The following DOCK1 variants were observed in gnomAD, a reference collection of about 807,000 sequenced individuals.
The protein encoded by DOCK1 is dedicator of cytokinesis 1.
A neutral mutation model predicts 262.7 loss-of-function variants in DOCK1; 138 were observed. The ratio of observed to expected loss-of-function variants is 0.53; its 90% CI spans 0.46 to 0.61. The LOEUF (loss-of-function observed/expected upper bound fraction) is 0.61. Among genes scored for constraint, DOCK1 ranks in the 20% least tolerant of loss-of-function variants. DOCK1 has a pLI of 0.00. For missense variants in DOCK1, 1,908 were observed against 2,370.7 expected, an observed-to-expected ratio of 0.80 and a Z score of 4.05; for synonymous variants, 866 against 867.4, an observed-to-expected ratio of 1.00 and a Z score of 0.03.
chr10:127,019,055 C>A (rs749478070), intron 13 of DOCK1: 1 of 610,902 alleles, frequency 1.6e-6, no homozygotes, highest in South Asian at 2.7e-5. Flanking sequence ...GATCAGCTCT[C>A]CCCAGCTGCA....
At chr10:127,195,660 C>T (rs1057046705) in intron 27 of DOCK1, among the ~76,000 whole-genome samples, 5 of 152,120 alleles carry the variant, frequency 3.3e-5, no homozygotes, top group Admixed American at 6.5e-5. Context: ...GGCTGTCGGG[C>T]GCTCACGAAG....
intron 2 of DOCK1, among the ~76,000 whole-genome samples, chr10:126,975,342 C>A (rs1379756189): frequency 1.3e-5 from 2 of 152,152 alleles, no homozygotes; most frequent in East Asian, 1.9e-4. Context: ...ACACAGATGT[C>A]TTTGGGCTGC....
At chr10:126,951,166 A>G (rs2036187514) in intron 1 of DOCK1, among the ~76,000 whole-genome samples, 1 of 150,222 alleles carries the variant, frequency 6.7e-6, no homozygotes, top group Non-Finnish European at 1.5e-5. Context: ...TATTACTGGT[A>G]GTAGTGTTGG....
chr10:127,123,279 CT>C (rs2049729827), intron 25 of DOCK1, among the ~76,000 whole-genome samples: 4 of 47,580 alleles, frequency 8.4e-5, no homozygotes. Flanking sequence ...GGAAATTCAG[CT>C]TGTTTTCCAG....
chr10:127,020,237 T>A (rs1436991369), intron 13 of DOCK1, among the ~76,000 whole-genome samples: 2 of 152,214 alleles, frequency 1.3e-5, no homozygotes, highest in Non-Finnish European at 2.9e-5. Context: ...GTATACTTAT[T>A]ATTTGTATTT....
intron 18 of DOCK1, among the ~76,000 whole-genome samples, chr10:127,035,780 C>G (rs560657823): frequency 1.4e-4 from 22 of 152,004 alleles, no homozygotes; most frequent in African/African-American, 4.6e-4. Context: ...GAGGCTGAGG[C>G]GTGAGGTTCA....
rs73384666 is a variant in DOCK1, at chr10:127,356,061, T to C, written c.3283+1334T>C. 5.4e-3 allele frequency among the ~76,000 whole-genome samples: 830 copies of C among 152,336 alleles called. 2 individuals are homozygous for C. The highest frequency in any genetic ancestry group is 0.019 in the African/African-American group (795 of 41,582). On this transcript the variant is annotated intron_variant, in intron 32 of 51. Transcript: ENST00000623213. ...GTCAGTCCTGGAGTCAGTGGAGGAC[T>C]CCTCGAGGAAGCTCTGTGCTAGGTC...
At chr10:127,353,848 A>G (rs1216521025) in intron 31 of DOCK1, among the ~76,000 whole-genome samples, 1 of 152,216 alleles carries the variant, frequency 6.6e-6, no homozygotes, top group East Asian at 1.9e-4. Flanking sequence ...TTTACCGGCC[A>G]GGATCTTCGC....
rs570065710 is a variant in DOCK1, at chr10:127,324,036, C to T, written c.3045-14970C>T. 2.6e-5 allele frequency among the ~76,000 whole-genome samples: 4 copies of T among 152,314 alleles called. No individual in the cohort carries two copies. In the East Asian group the frequency reaches 7.7e-4, roughly 29 times the overall value. The stretch of plus-strand genomic sequence containing the variant: ...GGTTCTTGAGGAGGGGGAGCGGTGG[C>T]TCTGCCAGCTCAGCTGTGAGTGGTC... On this transcript the variant is annotated intron_variant, in intron 29 of 51. Transcript: ENST00000623213.
At chr10:127,264,923 C>G (rs1282335811) in intron 29 of DOCK1, among the ~76,000 whole-genome samples, 1 of 152,202 alleles carries the variant, frequency 6.6e-6, no homozygotes, top group Admixed American at 6.5e-5. Flanking sequence ...CCCGCCTTGT[C>G]CTCCCAAAGT....
At position 127,212,783 on chromosome 10, in the gene DOCK1, T is replaced by C. The variant is rs552155682; in HGVS notation, c.2848-35225T>C. On this transcript the variant is annotated intron_variant, in intron 27 of 51. Coordinates refer to ENST00000623213, the MANE Select transcript of DOCK1 (RefSeq NM_001290223.2). Reference sequence around the variant, plus strand: ...AATTACTTGACTTATTTTGTCAACATTTTTTCATGTTCTCCCCACCCCTTG... The same window carrying C: ...AATTACTTGACTTATTTTGTCAACACTTTTTCATGTTCTCCCCACCCCTTG... Among the ~76,000 whole-genome samples, 176 of 151,068 alleles carry C rather than the reference T, an allele frequency of 1.2e-3. 2 individuals are homozygous for C. Among genetic ancestry groups the C allele is most frequent in the Non-Finnish European group, 1.6e-3 (108 of 67,792 alleles).
intron 27 of DOCK1, among the ~76,000 whole-genome samples, chr10:127,202,660 C>T (rs945857540): frequency 2.0e-5 from 3 of 152,160 alleles, no homozygotes; most frequent in African/African-American, 7.2e-5. Flanking sequence ...TATGAGACTT[C>T]GATGAGAATG....
In DOCK1 at chr10:126,970,796, A is replaced by C. The variant is rs2038045730; in HGVS notation, c.130+11A>C. 6.2e-7 allele frequency: 1 copy of C among 1,609,114 alleles called. No individual in the cohort carries two copies. The highest frequency in any genetic ancestry group is 1.7e-5 in the Admixed American group (1 of 59,794). On this transcript the variant is annotated intron_variant, in intron 2 of 51. Coordinates refer to ENST00000623213, the MANE Select transcript of DOCK1 (RefSeq NM_001290223.2). Reference sequence around the variant, plus strand: ...TAGAAACATATGAAGGTGCGTATGCATCTTGGTATCTTTTCTCTTACATTT... The same window carrying C: ...TAGAAACATATGAAGGTGCGTATGCCTCTTGGTATCTTTTCTCTTACATTT...
At chr10:127,085,641 T>C (rs1026854017) in intron 23 of DOCK1, among the ~76,000 whole-genome samples, 33 of 152,120 alleles carry the variant, frequency 2.2e-4, no homozygotes, top group African/African-American at 7.7e-4. Flanking sequence ...GCCTGTAGTC[T>C]CAGCTACTGG....
At chr10:127,399,293 G>A (rs769167387) in intron 38 of DOCK1, among the ~76,000 whole-genome samples, 6 of 152,150 alleles carry the variant, frequency 3.9e-5, no homozygotes, top group Non-Finnish European at 7.4e-5. Flanking sequence ...CAATCGCAGA[G>A]GTTAAAGTGA....
intron 39 of DOCK1, 87 bp downstream of exon 39, chr10:127,403,231 G>A: frequency 6.5e-6 from 9 of 1,378,030 alleles, no homozygotes; most frequent in Non-Finnish European, 9.0e-6. Context: ...CAATGTTAGG[G>A]TTCACCCCAG....
chr10:126,918,899 C>CGGACAGGTGAGCACGGAGGATTT (rs1384264655), intron 1 of DOCK1, among the ~76,000 whole-genome samples: 23 of 133,716 alleles, frequency 1.7e-4, no homozygotes, highest in East Asian at 4.2e-4. Context: ...ACGGAGGATT[C>CGGACAGGTGAGCACGGAGGATTT]GGACAGGTGG....
intron 29 of DOCK1, among the ~76,000 whole-genome samples, chr10:127,303,323 G>T (rs1420048372): frequency 2.0e-5 from 3 of 152,122 alleles, no homozygotes; most frequent in African/African-American, 7.2e-5. Flanking sequence ...GGTGGAGGAT[G>T]AGTAATTTGA....
intron 18 of DOCK1, among the ~76,000 whole-genome samples, chr10:127,036,992 A>AAAAAAG (rs1564751772): frequency 6.6e-6 from 1 of 150,770 alleles, no homozygotes; most frequent in Non-Finnish European, 1.5e-5. Context: ...AAAAAAAAAA[A>AAAAAAG]AAAAAGAAAA....
Sources: gnomAD v4.1 joint callset for allele counts (sites outside exome capture counted in the v4.1 genomes callset) on GRCh38, gnomAD v4.1.1 for gene constraint, MANE v1.5 for transcripts, NCBI Gene and HGNC (gene_info 2026-07-23, HGNC 2026-07-21) for gene names.